The following DNAH3 variants were observed in gnomAD, a reference collection of about 807,000 sequenced individuals.
The protein encoded by DNAH3 is dynein axonemal heavy chain 3.
A neutral mutation model predicts 432.5 loss-of-function variants in DNAH3; 332 were observed. The observed-to-expected ratio is 0.77, with a 90% CI of 0.70 to 0.84. DNAH3 has a LOEUF of 0.84. Among genes scored for constraint, DNAH3 ranks in the 40% least tolerant of loss-of-function variants. The pLI is 0.00. For synonymous variants in DNAH3, 1,956 were observed against 1,900.2 expected (o/e 1.03, Z -0.76); for missense variants, 4,861 against 5,114.0 (o/e 0.95, Z 1.51).
At chr16:21,131,328 ACAAGAAAGCAAG>A (rs2092552255) in intron 7 of DNAH3, among the ~76,000 whole-genome samples, 3 of 151,974 alleles carry the variant, frequency 2.0e-5, no homozygotes, top group Admixed American at 1.3e-4. Context: ...CTTGTCTAAA[ACAAGAAAGCAAG>A]CAAGAAAGCA....
chr16:20,967,721 T>C (rs1047161760), intron 52 of DNAH3, among the ~76,000 whole-genome samples: 1 of 151,820 alleles, frequency 6.6e-6, no homozygotes, highest in African/African-American at 2.4e-5. Flanking sequence ...TTGGCCAGGC[T>C]GGTCTTGAAC....
In DNAH3 at chr16:21,133,937, G is replaced by A. The variant is rs144594048; in HGVS notation, c.1082+322C>T. Among the ~76,000 whole-genome samples the A allele has an allele frequency of 1.2e-4, 19 of 152,304 alleles. No homozygotes were observed. In the East Asian group the frequency reaches 3.7e-3, roughly 29 times the overall value. On this transcript the variant is annotated intron_variant, in intron 7 of 61. Transcript: ENST00000261383. ...GGTAAAGGAAGCAAGGCACAGAAAA[G>A]TGATGCGACCACATATATGCCTGTA...
In DNAH3 at chr16:21,148,447, T is replaced by A. The variant is rs1217844511; in HGVS notation, c.118-2359A>T. Among the ~76,000 whole-genome samples, 8 of 151,702 alleles carry A rather than the reference T, an allele frequency of 5.3e-5. No individual in the cohort carries two copies. The South Asian group carries it at 8.3e-4, about 16-fold the overall frequency. On this transcript the variant is annotated intron_variant, in intron 1 of 61. Coordinates refer to ENST00000261383, the Ensembl canonical transcript of DNAH3. The stretch of plus-strand genomic sequence containing the variant: ...TATTATTATTATTATTATTTATTTT[T>A]TTTTTTTGAGTCCAAGTTTTCGCTC...
Position 20,999,210 on chromosome 16 carries a change from G to A in DNAH3, c.6421+1014C>T, listed in dbSNP as rs1209865704. On this transcript the variant is annotated intron_variant, in intron 43 of 61. Coordinates refer to ENST00000261383, the Ensembl canonical transcript of DNAH3. Reference sequence around the variant, plus strand: ...TTGGAGGCTGCAGTGAGCTGTGATTGTGCCACTGCACTCCAGCCTGGGTAA... The same window carrying A: ...TTGGAGGCTGCAGTGAGCTGTGATTATGCCACTGCACTCCAGCCTGGGTAA... Among the ~76,000 whole-genome samples, 8 of 152,148 alleles carry A rather than the reference G, an allele frequency of 5.3e-5. No homozygotes were observed. The East Asian group carries it at 1.5e-3, about 29-fold the overall frequency.
At chr16:21,067,022 T>G (rs938798098) in intron 24 of DNAH3, among the ~76,000 whole-genome samples, 2 of 152,222 alleles carry the variant, frequency 1.3e-5, no homozygotes, top group Admixed American at 6.5e-5. Flanking sequence ...CAGTCATGAA[T>G]ACTCTACCCC....
At chr16:21,113,514 A>AG (rs2092120322) in intron 12 of DNAH3, among the ~76,000 whole-genome samples, 1 of 152,198 alleles carries the variant, frequency 6.6e-6, no homozygotes, top group Admixed American at 6.5e-5. Flanking sequence ...GCTGGAGTGC[A>AG]GTGCTGTGAT....
chr16:20,991,315 G>A (rs1225795465), intron 44 of DNAH3, among the ~76,000 whole-genome samples: 1 of 150,942 alleles, frequency 6.6e-6, no homozygotes, highest in African/African-American at 2.4e-5. Flanking sequence ...GCACAGTCTA[G>A]AGTGCAGTGG....
chr16:21,121,713 T>G (rs1345318878), intron 10 of DNAH3, among the ~76,000 whole-genome samples: 1 of 151,522 alleles, frequency 6.6e-6, no homozygotes, highest in Non-Finnish European at 1.5e-5. Flanking sequence ...GTGATTCTCC[T>G]ACAAAGCAGC....
intron 44 of DNAH3, among the ~76,000 whole-genome samples, chr16:20,992,439 G>A (rs1020952552): frequency 7.9e-5 from 12 of 151,908 alleles, no homozygotes; most frequent in Admixed American, 7.2e-4. Context: ...TCCGCCTCCC[G>A]GGTTCACGCC....
chr16:21,156,996 AACACACACACAC>A (rs34199213), intron 1 of DNAH3, among the ~76,000 whole-genome samples: 3 of 147,434 alleles, frequency 2.0e-5, no homozygotes, highest in Non-Finnish European at 4.5e-5. Flanking sequence ...AATCTAAGGA[AACACACACACAC>A]ACACACACAC....
intron 54 of DNAH3, 60 bp from the exon 55 acceptor site, chr16:20,955,117 C>T (rs1458746714): frequency 6.8e-7 from 1 of 1,479,376 alleles, no homozygotes; most frequent in Non-Finnish European, 9.0e-7. Context: ...TGAAAAGCAA[C>T]AACAAAAACA....
chr16:20,954,870 A>T, exon 55 of DNAH3: 1 of 1,614,206 alleles, frequency 6.2e-7, no homozygotes, highest in South Asian at 1.1e-5. Context: ...CAAAGGCCAA[A>T]TAACATCTTT....
chr16:21,135,137 C>T (rs957218666), intron 6 of DNAH3, among the ~76,000 whole-genome samples: 11 of 152,082 alleles, frequency 7.2e-5, no homozygotes, highest in East Asian at 1.9e-4. Flanking sequence ...TGTGACTTCA[C>T]GGTGTGGAGC....
intron 32 of DNAH3, 27 bp from the exon 33 acceptor site, chr16:21,039,970 C>T (rs1029644016): frequency 7.0e-6 from 11 of 1,575,936 alleles, no homozygotes; most frequent in Admixed American, 1.7e-5. Flanking sequence ...AAATCAGAAT[C>T]GGAACACGTG....
chr16:21,058,242 T>A, intron 26 of DNAH3, 46 bp from the exon 27 acceptor site: 2 of 1,235,718 alleles, frequency 1.6e-6, no homozygotes, highest in Non-Finnish European at 2.4e-6. Flanking sequence ...TCACGTGTGG[T>A]TTAAACTGAG....
intron 20 of DNAH3, among the ~76,000 whole-genome samples, chr16:21,076,516 G>C (rs2090980735): frequency 6.6e-6 from 1 of 152,134 alleles, no homozygotes; most frequent in Non-Finnish European, 1.5e-5. Flanking sequence ...GACCCCAGCA[G>C]ACCAGACCAA....
At chr16:21,017,994 C>CT (rs955785044) in intron 41 of DNAH3, among the ~76,000 whole-genome samples, 3 of 151,606 alleles carry the variant, frequency 2.0e-5, no homozygotes, top group African/African-American at 4.9e-5. Flanking sequence ...TTTAATCTAT[C>CT]TTTTTTTTAA....
exon 53 of DNAH3, chr16:20,964,268 G>A (rs1312373089): frequency 1.2e-6 from 2 of 1,614,210 alleles, no homozygotes; most frequent in Non-Finnish European, 1.7e-6. Flanking sequence ...ACGATGCCAA[G>A]GAGTTGATCT....
intron 42 of DNAH3, among the ~76,000 whole-genome samples, chr16:21,002,583 T>C (rs1294574871): frequency 6.6e-6 from 1 of 152,078 alleles, no homozygotes; most frequent in Non-Finnish European, 1.5e-5. Context: ...TGCCTCAGCC[T>C]CCCAAGTAGC....
Sources: allele counts gnomAD v4.1 joint callset (sites outside exome capture counted in the v4.1 genomes callset), GRCh38; gene constraint gnomAD v4.1.1; transcripts MANE v1.5; gene names NCBI Gene and HGNC (gene_info 2026-07-23, HGNC 2026-07-21).